Variants in KCNH8 observed in about 807,000 individuals in gnomAD.
KCNH8 encodes the protein voltage-gated delayed rectifier potassium channel KCNH8.
A neutral mutation model predicts 103.6 loss-of-function variants in KCNH8; 70 were observed. The ratio of observed to expected loss-of-function variants is 0.68; its 90% CI spans 0.56 to 0.82. The LOEUF (loss-of-function observed/expected upper bound fraction) is 0.82. Ranked by LOEUF, KCNH8 falls within the 40% of genes least tolerant of loss-of-function variation. The probability of loss-of-function intolerance (pLI) is 0.00; values close to 1 mark genes in which losing one functional copy is unlikely to be tolerated. For missense variants in KCNH8, 1,217 were observed against 1,329.9 expected (o/e 0.92, Z 1.32); for synonymous variants, 498 against 489.4 (o/e 1.02, Z -0.23).
rs557333243 is a variant in KCNH8 at position 19,334,145 on chromosome 3, A to G, written c.443-8442A>G. 1.9e-4 allele frequency among the ~76,000 whole-genome samples: 29 copies of G among 152,222 alleles called. No homozygotes were observed. The South Asian group carries it at 5.8e-3, about 31-fold the overall frequency. On this transcript the variant is annotated intron_variant, in intron 3 of 15. Coordinates refer to ENST00000328405, the MANE Select transcript of KCNH8 (RefSeq NM_144633.3). ...CGTATGGACCGTCATTGAATGCAGGATATTCTGGGAAGAGTCACTCACTTC... is the reference window on the plus strand; with the variant it reads ...CGTATGGACCGTCATTGAATGCAGGGTATTCTGGGAAGAGTCACTCACTTC...
At chr3:19,489,199 G>T (rs139163803) in intron 11 of KCNH8, among the ~76,000 whole-genome samples, 394 of 152,240 alleles carry the variant, frequency 2.6e-3, no homozygotes, top group African/African-American at 8.7e-3. Flanking sequence ...TGGAGGTGCT[G>T]TGGGTTCTGG....
chr3:19,240,481 G>A (rs1194581303), intron 1 of KCNH8, among the ~76,000 whole-genome samples: 8 of 151,714 alleles, frequency 5.3e-5, no homozygotes, highest in South Asian at 2.1e-4. Context: ...GCATGGTGGC[G>A]CATGCCTGTA....
chr3:19,375,879 T>G (rs777563767), intron 5 of KCNH8, among the ~76,000 whole-genome samples: 13 of 152,206 alleles, frequency 8.5e-5, no homozygotes, highest in Non-Finnish European at 1.6e-4. Context: ...GAGGTGTCAG[T>G]GTGCCCTTGC....
intron 8 of KCNH8, among the ~76,000 whole-genome samples, chr3:19,445,569 G>T (rs572654495): frequency 6.6e-6 from 1 of 152,016 alleles, no homozygotes; most frequent in South Asian, 2.1e-4. Flanking sequence ...CTAGCTAATA[G>T]TGAGCTAAGT....
intron 1 of KCNH8, among the ~76,000 whole-genome samples, chr3:19,211,381 G>C (rs995224116): frequency 6.6e-6 from 1 of 152,142 alleles, no homozygotes. Context: ...TCATGGAAGA[G>C]GTGGGGCTGG....
At chr3:19,499,186 A>G (rs928438270) in intron 11 of KCNH8, among the ~76,000 whole-genome samples, 8 of 152,224 alleles carry the variant, frequency 5.3e-5, no homozygotes, top group Non-Finnish European at 8.8e-5. Context: ...AAGAAAGGGT[A>G]TCAGCGATAG....
At chr3:19,232,582 CAGTT>C (rs1354793354) in intron 1 of KCNH8, among the ~76,000 whole-genome samples, 6 of 152,118 alleles carry the variant, frequency 3.9e-5, no homozygotes, top group Non-Finnish European at 2.9e-5. Flanking sequence ...GTGGACAAAT[CAGTT>C]AGGAAAAAGA....
intron 1 of KCNH8, among the ~76,000 whole-genome samples, chr3:19,201,610 A>G (rs2063664052): frequency 6.6e-6 from 1 of 152,020 alleles, no homozygotes; most frequent in Non-Finnish European, 1.5e-5. Context: ...GCCCTTAGCT[A>G]TGACCTTAAT....
chr3:19,449,415 C>T (rs75430940), intron 8 of KCNH8, among the ~76,000 whole-genome samples: 299 of 151,458 alleles, frequency 2.0e-3, no homozygotes, highest in Non-Finnish European at 3.3e-3. Flanking sequence ...CTCAAATTTT[C>T]CAATATCTCC....
At chr3:19,524,963 G>A (rs2069038055) in intron 15 of KCNH8, among the ~76,000 whole-genome samples, 1 of 151,828 alleles carries the variant, frequency 6.6e-6, no homozygotes, top group African/African-American at 2.4e-5. Flanking sequence ...AGTTAGAGAA[G>A]GCTGGGTGGA....
intron 2 of KCNH8, among the ~76,000 whole-genome samples, chr3:19,258,516 A>G (rs1196865973): frequency 1.3e-5 from 2 of 151,970 alleles, no homozygotes; most frequent in Admixed American, 1.3e-4. Context: ...ATGACTTTCT[A>G]ATGCCCAGTC....
intron 3 of KCNH8, among the ~76,000 whole-genome samples, chr3:19,304,261 C>T (rs539717337): frequency 6.2e-4 from 95 of 152,238 alleles, no homozygotes; most frequent in African/African-American, 2.3e-3. Context: ...ACAAATACGA[C>T]GCATTCCACA....
chr3:19,443,399 TACAC>T (rs575048873), intron 8 of KCNH8, among the ~76,000 whole-genome samples: 1 of 149,900 alleles, frequency 6.7e-6, no homozygotes, highest in Non-Finnish European at 1.5e-5. Flanking sequence ...TATACATATA[TACAC>T]ACACACACAT....
chr3:19,478,586 T>G (rs1269705291), intron 11 of KCNH8, among the ~76,000 whole-genome samples: 3 of 152,138 alleles, frequency 2.0e-5, no homozygotes, highest in Non-Finnish European at 4.4e-5. Flanking sequence ...TACATTTGGT[T>G]TCTATACTGC....
At chr3:19,306,863 C>G (rs2125293655) in intron 3 of KCNH8, among the ~76,000 whole-genome samples, 1 of 152,128 alleles carries the variant, frequency 6.6e-6, no homozygotes, top group Middle Eastern at 3.4e-3. Flanking sequence ...GATCCATTTT[C>G]TAAGTCTTTT....
chr3:19,383,295 T>C (rs2066311785), intron 5 of KCNH8, among the ~76,000 whole-genome samples: 1 of 152,198 alleles, frequency 6.6e-6, no homozygotes, highest in African/African-American at 2.4e-5. Context: ...TTTTTGTCTC[T>C]ATTGAGCATA....
intron 3 of KCNH8, among the ~76,000 whole-genome samples, chr3:19,328,914 C>T (rs1321346422): frequency 6.6e-6 from 1 of 151,936 alleles, no homozygotes; most frequent in African/African-American, 2.4e-5. Context: ...TTATTTATGT[C>T]CTTGATAAAT....
At chr3:19,382,330 TC>T (rs2066298967) in intron 5 of KCNH8, among the ~76,000 whole-genome samples, 1 of 152,192 alleles carries the variant, frequency 6.6e-6, no homozygotes, top group South Asian at 2.1e-4. Flanking sequence ...TTTTAGCTCT[TC>T]CACTGCCTAG....
chr3:19,425,430 T>G (rs1340324254), intron 7 of KCNH8, among the ~76,000 whole-genome samples: 3 of 152,226 alleles, frequency 2.0e-5, no homozygotes, highest in African/African-American at 7.2e-5. Flanking sequence ...CCTTTCTCCC[T>G]TATTTTTATA....
Sources: gnomAD v4.1 joint callset for allele counts (sites outside exome capture counted in the v4.1 genomes callset) on GRCh38, gnomAD v4.1.1 for gene constraint, MANE v1.5 for transcripts, NCBI Gene and HGNC (gene_info 2026-07-23, HGNC 2026-07-21) for gene names.